Variants in RGSL1 observed in about 807,000 individuals in gnomAD.
RGSL1 encodes regulator of G protein signaling protein-like.
In RGSL1, 97 loss-of-function variants were observed where a neutral mutation model predicts 124.7. That is an observed-to-expected ratio of 0.78 (90% CI 0.66 to 0.92). RGSL1 has a LOEUF of 0.92. RGSL1 is among the 40% of genes least tolerant of loss of function. The pLI, the probability that RGSL1 is intolerant of heterozygous loss-of-function variation, is 0.00. For synonymous variants in RGSL1, 424 were observed against 438.1 expected, an observed-to-expected ratio of 0.97 and a Z score of 0.40; for missense variants, 1,233 against 1,288.4, an observed-to-expected ratio of 0.96 and a Z score of 0.66.
chr1:182,555,940 A>C, intron 20 of RGSL1, 84 bp from the exon 21 acceptor site: 1 of 1,274,038 alleles, frequency 7.8e-7, no homozygotes, highest in Non-Finnish European at 1.1e-6. Context: ...TTCCTAAAGG[A>C]AATGACAGTG....
Position 182,491,488 on chromosome 1 carries a change from T to G in RGSL1, c.1718-1534T>G, listed in dbSNP as rs1294364368. Among the ~76,000 whole-genome samples, 14 of 152,274 alleles carry G rather than the reference T, an allele frequency of 9.2e-5. 1 individual carries two copies. In the South Asian group the frequency reaches 2.9e-3, roughly 32 times the overall value. Reference sequence around the variant, plus strand: ...TCTCAGCCTCCCAAAGTGCTGGGATTACAGGTGTGAGCCACCACACCCGAC... The same window carrying G: ...TCTCAGCCTCCCAAAGTGCTGGGATGACAGGTGTGAGCCACCACACCCGAC... On this transcript the variant is annotated intron_variant, in intron 8 of 21. Coordinates refer to ENST00000294854, the MANE Select transcript of RGSL1 (RefSeq NM_001137669.2).
intron 9 of RGSL1, among the ~76,000 whole-genome samples, chr1:182,521,103 T>G (rs1417707777): frequency 6.6e-6 from 1 of 152,244 alleles, no homozygotes; most frequent in African/African-American, 2.4e-5. Context: ...AGAGTCTTAC[T>G]CTGTTGACCA....
chr1:182,507,539 G>C lies in RGSL1; in HGVS notation c.1825+14410G>C, dbSNP rs117751406. Among the ~76,000 whole-genome samples, 47 of 152,206 alleles carry C rather than the reference G, an allele frequency of 3.1e-4. 1 individual carries two copies. The East Asian group carries it at 8.5e-3, about 27-fold the overall frequency. ...CATAGTGACCACCAGTTTCATTCAT[G>C]TTGCTGCAAAAGACAGGATTTCATT... On this transcript the variant is annotated intron_variant, in intron 9 of 21. Transcript: ENST00000294854.
intron 4 of RGSL1, 31 bp downstream of exon 4, chr1:182,460,164 G>A (rs945318692): frequency 1.0e-6 from 1 of 977,140 alleles, no homozygotes; most frequent in Non-Finnish European, 1.4e-6. Context: ...GTGTGTCTGT[G>A]TGTGTGTGTG....
At chr1:182,509,768 T>C (rs1657228044) in intron 9 of RGSL1, among the ~76,000 whole-genome samples, 1 of 121,228 alleles carries the variant, frequency 8.2e-6, no homozygotes, top group African/African-American at 3.2e-5. Context: ...GTGGGGGGGC[T>C]GACCCCCCAC....
rs570097728 is a variant in RGSL1 at position 182,556,054 on chromosome 1, G to T, written c.3228G>T (p.Lys1076Asn). Residue 1076 changes from lysine to asparagine, a missense_variant, in exon 21 of 22, where the codon AAG (lysine) becomes AAT (asparagine). Transcript: ENST00000294854. ...GQKLSYIKKE[K>N] ...AATTATCCTACATCAAAAAAGAGAA[G>T]TAATCAAGCGAGACCCCCAGCAGAG... The T allele has an allele frequency of 8.1e-5, 126 of 1,551,472 alleles. No homozygotes were observed. The highest frequency in any genetic ancestry group is 3.3e-4 in the Middle Eastern group (2 of 5,988).
chr1:182,486,778 C>T (rs1415302410), intron 6 of RGSL1, among the ~76,000 whole-genome samples: 1 of 152,172 alleles, frequency 6.6e-6, no homozygotes, highest in African/African-American at 2.4e-5. Flanking sequence ...TGGGTTCAAG[C>T]AATTCTCCTG....
At chr1:182,527,280 G>T (rs904163689) in intron 10 of RGSL1, among the ~76,000 whole-genome samples, 7 of 152,196 alleles carry the variant, frequency 4.6e-5, no homozygotes, top group African/African-American at 1.4e-4. Flanking sequence ...ATTAGGAGTC[G>T]TTTTGAACCC....
chr1:182,548,563 A>G, intron 16 of RGSL1, 108 bp downstream of exon 16: 2 of 1,513,016 alleles, frequency 1.3e-6, no homozygotes, highest in Non-Finnish European at 1.8e-6. Context: ...GGCTAACTAC[A>G]TATCCTTTAC....
intron 6 of RGSL1, among the ~76,000 whole-genome samples, chr1:182,477,447 C>T (rs775358578): frequency 1.3e-5 from 2 of 152,162 alleles, no homozygotes; most frequent in Non-Finnish European, 2.9e-5. Flanking sequence ...GAAGAAATAT[C>T]GTCTGCCCTG....
chr1:182,513,613 G>T (rs1432161895), intron 9 of RGSL1, among the ~76,000 whole-genome samples: 1 of 152,178 alleles, frequency 6.6e-6, no homozygotes, highest in Non-Finnish European at 1.5e-5. Context: ...TCTGGGGTTT[G>T]TGGACTTGCA....
At chr1:182,458,222 C>A in intron 2 of RGSL1, 97 bp from the exon 3 acceptor site, 1 of 817,554 alleles carries the variant, frequency 1.2e-6, no homozygotes, top group Non-Finnish European at 2.0e-6. Flanking sequence ...ATAAAAGAGC[C>A]ATGGAACCTC....
At chr1:182,510,321 G>T (rs1469885584) in intron 9 of RGSL1, among the ~76,000 whole-genome samples, 51 of 35,996 alleles carry the variant, frequency 1.4e-3, no homozygotes, top group African/African-American at 6.4e-3. Context: ...GGGAGGCCAA[G>T]GCAGGCGGCT....
intron 9 of RGSL1, among the ~76,000 whole-genome samples, chr1:182,494,886 G>T (rs1171540031): frequency 6.6e-6 from 1 of 152,172 alleles, no homozygotes. Flanking sequence ...ATCTTCGTGG[G>T]ACCCATTGGC....
chr1:182,448,869 G>A (rs1468158125), upstream of RGSL1, among the ~76,000 whole-genome samples: 2 of 152,112 alleles, frequency 1.3e-5, no homozygotes, highest in African/African-American at 4.8e-5. Flanking sequence ...TTTGAACTGT[G>A]GGAAAGACGG....
chr1:182,533,782 G>A (rs1659356308), intron 14 of RGSL1, among the ~76,000 whole-genome samples: 1 of 152,226 alleles, frequency 6.6e-6, no homozygotes, highest in Non-Finnish European at 1.5e-5. Context: ...TAATTGTGAT[G>A]AGTGATCCCG....
At chr1:182,500,682 T>C (rs1558317634) in intron 9 of RGSL1, among the ~76,000 whole-genome samples, 1 of 152,232 alleles carries the variant, frequency 6.6e-6, no homozygotes, top group Non-Finnish European at 1.5e-5. Context: ...AGCAATACTT[T>C]GTAATTTTTA....
chr1:182,516,279 C>T (rs1657891401), intron 9 of RGSL1, among the ~76,000 whole-genome samples: 1 of 152,190 alleles, frequency 6.6e-6, no homozygotes, highest in Non-Finnish European at 1.5e-5. Flanking sequence ...GGAGCGGGCC[C>T]TTTGCCAGGG....
At position 182,556,136 on chromosome 1, in the gene RGSL1, G is replaced by A; in HGVS notation, c.*79G>A. 1 of 1,377,554 alleles carries A rather than the reference G, an allele frequency of 7.3e-7. No individual in the cohort carries two copies. The highest frequency in any genetic ancestry group is 1.3e-5 in the South Asian group (1 of 77,000). 85.3% of individuals were successfully genotyped at this position (1,377,554 alleles called of 1,614,324 possible). A position where few individuals can be genotyped will look rare whatever the true frequency, so the allele number is the denominator to read the frequency against. On this transcript the variant is annotated 3_prime_UTR_variant, in exon 21 of 22. Transcript: ENST00000294854. ...GACAGAAACTTTTCTGGTCAAAAAT[G>A]AAAGGTCCTGGTACCATCTTCCCCA...
Sources: allele counts gnomAD v4.1 joint callset (sites outside exome capture counted in the v4.1 genomes callset), GRCh38; gene constraint gnomAD v4.1.1; transcripts MANE v1.5; gene names NCBI Gene and HGNC (gene_info 2026-07-23, HGNC 2026-07-21).